Variants in PEMT observed in about 807,000 individuals in gnomAD.
PEMT encodes the protein phospholipid methyltransferase.
PEMT carries 23 observed loss-of-function variants against 27.4 expected under a neutral mutation model. The observed-to-expected ratio is 0.84, with a 90% CI of 0.60 to 1.19. The LOEUF (loss-of-function observed/expected upper bound fraction) is 1.19, where lower values mean the gene tolerates loss of function less well. Among genes scored for constraint, PEMT ranks in the 50% most tolerant of loss-of-function variants. PEMT has a pLI of 0.00. For missense variants in PEMT, 307 were observed against 310.1 expected (o/e 0.99, Z 0.07); for synonymous variants, 137 against 139.1 (o/e 0.98, Z 0.11).
intron 2 of PEMT, among the ~76,000 whole-genome samples, chr17:17,555,427 G>A (rs563773673): frequency 2.0e-5 from 3 of 152,314 alleles, no homozygotes; most frequent in East Asian, 3.9e-4. Context: ...TGCTGCCCTG[G>A]ACAAGTGCCC....
chr17:17,547,629 G>C (rs1909349780), intron 2 of PEMT, among the ~76,000 whole-genome samples: 1 of 152,086 alleles, frequency 6.6e-6, no homozygotes, highest in Admixed American at 6.5e-5. Context: ...AGCCCTGCCT[G>C]TGTGTCTGGA....
chr17:17,510,026 TAA>T (rs2142506260), intron 4 of PEMT, among the ~76,000 whole-genome samples: 1 of 152,240 alleles, frequency 6.6e-6, no homozygotes, highest in South Asian at 2.1e-4. Flanking sequence ...AGCTGGTTGC[TAA>T]GGGCTGCTCT....
chr17:17,577,473 G>A (rs1226549111), intron 1 of PEMT: 13 of 1,031,214 alleles, frequency 1.3e-5, no homozygotes, highest in South Asian at 3.8e-5. Context: ...GCCCACACTC[G>A]ACAGGGGACA....
intron 2 of PEMT, among the ~76,000 whole-genome samples, chr17:17,559,073 G>A (rs991807203): frequency 4.6e-5 from 7 of 152,122 alleles, no homozygotes; most frequent in Non-Finnish European, 1.0e-4. Flanking sequence ...TCACCCCGTC[G>A]CAGCTTCTTA....
intron 2 of PEMT, among the ~76,000 whole-genome samples, chr17:17,541,732 G>C (rs185310590): frequency 6.6e-6 from 1 of 152,256 alleles, no homozygotes; most frequent in African/African-American, 2.4e-5. Context: ...GCCCAAGAAG[G>C]CTCCTCAGCG....
At chr17:17,507,374 C>T (rs528627045) in intron 5 of PEMT, 4 of 640,156 alleles carry the variant, frequency 6.2e-6, no homozygotes, top group East Asian at 2.7e-5. Context: ...GAACCTCAGG[C>T]AGGGCTGGAT....
intron 2 of PEMT, among the ~76,000 whole-genome samples, chr17:17,574,505 G>C (rs918556467): frequency 1.3e-5 from 2 of 152,160 alleles, no homozygotes; most frequent in South Asian, 4.1e-4. Context: ...ATTTTTAGTA[G>C]AGATGAGGTT....
chr17:17,542,887 A>T (rs1451540541), intron 2 of PEMT, among the ~76,000 whole-genome samples: 1 of 152,156 alleles, frequency 6.6e-6, no homozygotes, highest in Non-Finnish European at 1.5e-5. Flanking sequence ...ACCCCAGGGG[A>T]TGGGCAGTGA....
chr17:17,557,085 G>T (rs1342252323), intron 2 of PEMT, among the ~76,000 whole-genome samples: 1 of 152,190 alleles, frequency 6.6e-6, no homozygotes, highest in Non-Finnish European at 1.5e-5. Context: ...TCCCAGGTCA[G>T]ATGCCTGCCT....
At position 17,505,818 on chromosome 17, in the gene PEMT, T is replaced by C; in HGVS notation, c.684A>G (p.Lys228=). ...EPFTAEIYRQ[K]ASGSHKRS is the part of the protein sequence containing the mutation. Reference sequence around the variant, plus strand: ...AGCTCCTCTTGTGGGACCCGGAGGCTTTCTGCCGGTAGATCTCAGCGGTGA... The same window carrying C: ...AGCTCCTCTTGTGGGACCCGGAGGCCTTCTGCCGGTAGATCTCAGCGGTGA... Residue 228 remains lysine (K), a synonymous_variant, in exon 7 of 7, where the codon AAA becomes AAG. Coordinates refer to ENST00000255389, the MANE Select transcript of PEMT (RefSeq NM_148172.3). 1.2e-6 allele frequency: 2 copies of C among 1,611,470 alleles called. No homozygotes were observed. The highest frequency in any genetic ancestry group is 2.2e-5 in the South Asian group (2 of 90,534).
chr17:17,561,569 G>C lies in PEMT; in HGVS notation c.204+15351C>G, dbSNP rs1910473810. Among the ~76,000 whole-genome samples, 1 of 152,150 alleles carries C rather than the reference G, an allele frequency of 6.6e-6. No homozygotes were observed. Among genetic ancestry groups the C allele is most frequent in the South Asian group, 2.1e-4 (1 of 4,830 alleles). On this transcript the variant is annotated intron_variant, in intron 2 of 6. Transcript: ENST00000255389. The surrounding 1 kb of genome is among the most constrained non-coding windows in gnomAD (Gnocchi z 4.5). ...GTCACTGACGCTGAGCTGGCTCCAG[G>C]CACCACCCACTCCAGGCACCATCCC...
rs558892484 is a variant in PEMT at position 17,506,387 on chromosome 17, C to T, written c.579-86G>A. On this transcript the variant is annotated intron_variant, in intron 5 of 6. Coordinates refer to ENST00000255389, the MANE Select transcript of PEMT (RefSeq NM_148172.3). ...ACCTGCCCAGGCTGGCCCTTCCTGCCGTGACCCTGGCCCTCCGGCCGACGC... is the reference window on the plus strand; with the variant it reads ...ACCTGCCCAGGCTGGCCCTTCCTGCTGTGACCCTGGCCCTCCGGCCGACGC... The T allele has an allele frequency of 6.9e-5, 74 of 1,071,124 alleles. No individual in the cohort carries two copies. In the East Asian group the frequency reaches 1.7e-3, roughly 25 times the overall value. The allele number at this position is 1,071,124 out of a possible 1,614,324, so 66.4% of individuals were successfully genotyped here.
intron 2 of PEMT, among the ~76,000 whole-genome samples, chr17:17,532,942 G>A (rs767801452): frequency 2.0e-5 from 3 of 152,184 alleles, no homozygotes; most frequent in African/African-American, 7.2e-5. Flanking sequence ...CAGGAGAATC[G>A]CTTGAACTCG....
In PEMT at chr17:17,513,834, G is replaced by A. The variant is rs934020249; in HGVS notation, c.321-1180C>T. 6.6e-6 allele frequency among the ~76,000 whole-genome samples: 1 copy of A among 152,096 alleles called. No individual in the cohort carries two copies. The highest frequency in any genetic ancestry group is 2.4e-5 in the African/African-American group (1 of 41,390). On this transcript the variant is annotated intron_variant, in intron 3 of 6. Transcript: ENST00000255389. The surrounding 1 kb of genome is among the most constrained non-coding windows in gnomAD (Gnocchi z 4.1). ...AGGAAAGGCTGTGTGTGGGAGCACGGACATGTGTGACCAAATGTGCTCTTC... is the reference window on the plus strand; with the variant it reads ...AGGAAAGGCTGTGTGTGGGAGCACGAACATGTGTGACCAAATGTGCTCTTC...
chr17:17,535,754 G>A (rs865889598), intron 2 of PEMT, among the ~76,000 whole-genome samples: 7 of 152,212 alleles, frequency 4.6e-5, no homozygotes, highest in Non-Finnish European at 8.8e-5. Context: ...ATGACATATT[G>A]TGAGAGAATT....
chr17:17,561,814 C>T lies in PEMT; in HGVS notation c.204+15106G>A, dbSNP rs1376899765. ...AGTGGGCTCAAGGACATGGGGGTAC[C>T]ACTTCCACGTGGCTACCTCACGCGG... On this transcript the variant is annotated intron_variant, in intron 2 of 6. Coordinates refer to ENST00000255389, the MANE Select transcript of PEMT (RefSeq NM_148172.3). This position sits in a 1 kb window ranked among gnomAD's most constrained non-coding sequence, Gnocchi z 4.5. Among the ~76,000 whole-genome samples the T allele has an allele frequency of 6.6e-6, 1 of 152,214 alleles. No homozygotes were observed. The highest frequency in any genetic ancestry group is 1.5e-5 in the Non-Finnish European group (1 of 68,038).
At chr17:17,514,729 C>A (rs1429540245) in intron 3 of PEMT, among the ~76,000 whole-genome samples, 1 of 152,254 alleles carries the variant, frequency 6.6e-6, no homozygotes, top group Non-Finnish European at 1.5e-5. Context: ...ACGATCCAGG[C>A]ACACCTTCTC....
At chr17:17,587,339 C>A (rs534047273) in intron 1 of PEMT, among the ~76,000 whole-genome samples, 35 of 151,962 alleles carry the variant, frequency 2.3e-4, no homozygotes, top group African/African-American at 7.0e-4. Flanking sequence ...TGAAATGAAC[C>A]GATCCTTGCA....
intron 3 of PEMT, among the ~76,000 whole-genome samples, chr17:17,516,073 C>G (rs750189087): frequency 2.0e-5 from 3 of 152,158 alleles, no homozygotes; most frequent in Admixed American, 6.5e-5. Context: ...CTATCTGCAG[C>G]CGACCAGAAA....
Sources: gnomAD v4.1 joint callset for allele counts (sites outside exome capture counted in the v4.1 genomes callset) on GRCh38, gnomAD v4.1.1 for gene constraint, Gnocchi (gnomAD v3.1) non-coding constraint, MANE v1.5 for transcripts, NCBI Gene and HGNC (gene_info 2026-07-23, HGNC 2026-07-21) for gene names.